The following MAST4 variants were observed in gnomAD, a reference collection of about 807,000 sequenced individuals.
MAST4 encodes the protein microtubule associated serine/threonine kinase family member 4.
Under a neutral mutation model 162.7 loss-of-function variants are expected in MAST4, and 89 were observed. The ratio of observed to expected loss-of-function variants is 0.55; its 90% confidence interval spans 0.46 to 0.65. The LOEUF is 0.65. Among genes scored for constraint, MAST4 ranks in the 30% least tolerant of loss-of-function variants. The probability of loss-of-function intolerance (pLI) is 0.00; values close to 1 mark genes in which losing one functional copy is unlikely to be tolerated. For missense variants in MAST4, 3,153 were observed against 3,374.0 expected, an observed-to-expected ratio of 0.93 and a Z score of 1.62; for synonymous variants, 1,479 against 1,361.1, an observed-to-expected ratio of 1.09 and a Z score of -1.91.
At chr5:66,876,902 G>A (rs1039215095) in intron 3 of MAST4, among the ~76,000 whole-genome samples, 1 of 152,222 alleles carries the variant, frequency 6.6e-6, no homozygotes, top group African/African-American at 2.4e-5. Context: ...AATGTGGATA[G>A]AGCTTAAAAC....
At chr5:66,818,476 G>C (rs1043296604) in intron 3 of MAST4, among the ~76,000 whole-genome samples, 3 of 150,770 alleles carry the variant, frequency 2.0e-5, no homozygotes, top group African/African-American at 7.3e-5. Context: ...TGCCCTTGTA[G>C]TTTAAACATT....
intron 1 of MAST4, among the ~76,000 whole-genome samples, chr5:66,611,102 T>C (rs1356440476): frequency 6.6e-6 from 1 of 152,244 alleles, no homozygotes; most frequent in Non-Finnish European, 1.5e-5. Context: ...TAACATTTTT[T>C]TTCTTTGTGT....
intron 1 of MAST4, among the ~76,000 whole-genome samples, chr5:66,755,146 G>T (rs1412965560): frequency 1.3e-5 from 2 of 152,182 alleles, no homozygotes; most frequent in Non-Finnish European, 1.5e-5. Context: ...AAAGGGGATG[G>T]CAGGGACAAG....
intron 1 of MAST4, among the ~76,000 whole-genome samples, chr5:66,631,661 T>G (rs1376942653): frequency 6.6e-6 from 1 of 152,180 alleles, no homozygotes; most frequent in African/African-American, 2.4e-5. Context: ...GATTGTTGGG[T>G]GCTTTCGAGC....
At chr5:66,784,808 A>G (rs1457545054) in intron 2 of MAST4, among the ~76,000 whole-genome samples, 2 of 152,150 alleles carry the variant, frequency 1.3e-5, no homozygotes, top group Non-Finnish European at 1.5e-5. Context: ...GACTAAGTGT[A>G]TTATCTCCTT....
rs142682909 is a variant in MAST4, at chr5:67,105,307, A to G, written c.1356+732A>G. Among the ~76,000 whole-genome samples the G allele has an allele frequency of 2.7e-3, 411 of 152,346 alleles. 1 individual carries two copies. Among genetic ancestry groups the G allele is most frequent in the Non-Finnish European group, 4.4e-3 (298 of 68,022 alleles). On this transcript the variant is annotated intron_variant, in intron 10 of 28. Coordinates refer to ENST00000403625, the MANE Select transcript of MAST4 (RefSeq NM_001164664.2). Reference sequence around the variant, plus strand: ...CAGGGCACAAATTATGCCTTTGCAAACATAATTATAGATAGTTTTCTCTAG... The same window carrying G: ...CAGGGCACAAATTATGCCTTTGCAAGCATAATTATAGATAGTTTTCTCTAG...
At chr5:66,823,899 T>A (rs775791163) in intron 3 of MAST4, among the ~76,000 whole-genome samples, 1 of 152,190 alleles carries the variant, frequency 6.6e-6, no homozygotes, top group Non-Finnish European at 1.5e-5. Context: ...GTGTTGCTCT[T>A]TGGCATTCAA....
At chr5:66,861,266 G>T (rs1054479485) in intron 3 of MAST4, among the ~76,000 whole-genome samples, 2 of 152,194 alleles carry the variant, frequency 1.3e-5, no homozygotes, top group Admixed American at 1.3e-4. Flanking sequence ...AATCAATTAT[G>T]AGGAGTTTGT....
chr5:66,861,406 A>G (rs577738650), intron 3 of MAST4, among the ~76,000 whole-genome samples: 1 of 152,364 alleles, frequency 6.6e-6, no homozygotes, highest in South Asian at 2.1e-4. Flanking sequence ...AATATGGCAT[A>G]GGCATATCTG....
rs931001969 is a variant in MAST4 at position 67,149,468 on chromosome 5, A to G, written c.3174A>G (p.Pro1058=). ...ACAGTACAGATAATTCCTCAAAGCC[A>G]TCCAGTGAACCCGCTTCTCACATGG... ...CVDSTDNSSK[P]SSEPASHMAR... is the part of the protein sequence containing the mutation. Residue 1058 remains proline, a synonymous_variant, in exon 24 of 29, where the codon CCA becomes CCG. Coordinates refer to ENST00000403625, the MANE Select transcript of MAST4 (RefSeq NM_001164664.2). 2 of 1,613,672 alleles carry G rather than the reference A, an allele frequency of 1.2e-6. No individual in the cohort carries two copies. The highest frequency in any genetic ancestry group is 2.7e-5 in the African/African-American group (2 of 74,934).
intron 4 of MAST4, among the ~76,000 whole-genome samples, chr5:66,976,340 T>G (rs1748145065): frequency 6.6e-6 from 1 of 152,196 alleles, no homozygotes; most frequent in South Asian, 2.1e-4. Flanking sequence ...CCAGGCCTCT[T>G]GATCTGCACT....
At chr5:66,903,284 A>G (rs988051656) in intron 4 of MAST4, among the ~76,000 whole-genome samples, 17 of 152,170 alleles carry the variant, frequency 1.1e-4, no homozygotes, top group Non-Finnish European at 1.5e-5. Context: ...GGGTGTTTAT[A>G]TTATAGCCAC....
Position 67,149,427 on chromosome 5 carries a change from C to G in MAST4, c.3133C>G (p.Arg1045Gly). The G allele has an allele frequency of 6.2e-7, 1 of 1,613,378 alleles. No homozygotes were observed. The highest frequency in any genetic ancestry group is 1.3e-5 in the African/African-American group (1 of 74,996). ...AGAGCACTTGGATCAGATAAATGGACGAAGCGAGTGTGTGGACAGTACAGA... is the reference window on the plus strand; with the variant it reads ...AGAGCACTTGGATCAGATAAATGGAGGAAGCGAGTGTGTGGACAGTACAGA... ...FSEHLDQING[R>G]SECVDSTDNS... is the part of the protein sequence containing the mutation. Residue 1045 changes from arginine to glycine, a missense_variant, in exon 24 of 29, where the codon CGA becomes GGA. Arg to Gly is a moderately radical substitution (Grantham distance 125). This residue lies in a region of MAST4 where 619 missense variants were observed against 744.2 expected (regional missense o/e 0.83). Coordinates refer to ENST00000403625, the MANE Select transcript of MAST4 (RefSeq NM_001164664.2).
intron 4 of MAST4, among the ~76,000 whole-genome samples, chr5:66,960,995 G>A (rs950680281): frequency 3.9e-5 from 6 of 152,168 alleles, no homozygotes; most frequent in African/African-American, 1.2e-4. Flanking sequence ...ATATTACTGT[G>A]CATTTAAAAT....
chr5:66,834,176 AG>A (rs144632380), intron 3 of MAST4, among the ~76,000 whole-genome samples: 8,397 of 152,264 alleles, frequency 0.055, 317 homozygotes, highest in Non-Finnish European at 0.081. Flanking sequence ...AACTTAATAG[AG>A]GGTTTGTTGT....
At chr5:66,654,901 G>T (rs980295760) in intron 1 of MAST4, among the ~76,000 whole-genome samples, 9 of 152,098 alleles carry the variant, frequency 5.9e-5, no homozygotes, top group Non-Finnish European at 1.0e-4. Flanking sequence ...TTTATGAATA[G>T]ACTGAGTTCT....
intron 19 of MAST4, among the ~76,000 whole-genome samples, chr5:67,140,662 C>T (rs1484402445): frequency 6.6e-6 from 1 of 152,218 alleles, no homozygotes; most frequent in Non-Finnish European, 1.5e-5. Context: ...TGCTTTATTG[C>T]TTATGCTTCA....
intron 1 of MAST4, among the ~76,000 whole-genome samples, chr5:66,650,444 A>G (rs186065241): frequency 1.3e-3 from 197 of 152,288 alleles, no homozygotes; most frequent in South Asian, 3.7e-3. Context: ...ATATGACATC[A>G]CTGGAAAGAA....
chr5:66,877,510 G>C (rs1054229902), intron 3 of MAST4, among the ~76,000 whole-genome samples: 1 of 152,182 alleles, frequency 6.6e-6, no homozygotes, highest in Non-Finnish European at 1.5e-5. Flanking sequence ...CTGGCTTTAA[G>C]CCCCTGTTCT....
Sources: gnomAD v4.1 joint callset for allele counts (sites outside exome capture counted in the v4.1 genomes callset) on GRCh38, gnomAD v4.1.1 for gene constraint, gnomAD v4.1.1 regional missense constraint, MANE v1.5 for transcripts, NCBI Gene and HGNC (gene_info 2026-07-23, HGNC 2026-07-21) for gene names.